Variants in SCIN observed in about 807,000 individuals in gnomAD.
The protein encoded by SCIN is adseverin.
Under a neutral mutation model 91.8 loss-of-function variants are expected in SCIN, and 91 were observed. The ratio of observed to expected loss-of-function variants is 0.99; its 90% CI spans 0.84 to 1.18. The LOEUF (loss-of-function observed/expected upper bound fraction) is 1.18. SCIN is among the 50% of genes most tolerant of loss of function. SCIN has a pLI of 0.00. For synonymous variants in SCIN, 367 were observed against 312.6 expected (o/e 1.17, Z -1.84); for missense variants, 1,087 against 863.9 (o/e 1.26, Z -3.24).
intron 12 of SCIN, 98 bp from the exon 13 acceptor site, chr7:12,644,486 A>C: frequency 1.3e-6 from 2 of 1,514,324 alleles, no homozygotes; most frequent in South Asian, 1.3e-5. Flanking sequence ...GTAATTTCTC[A>C]ACACTGAAAT....
chr7:12,572,526 A>G (rs999358929), intron 1 of SCIN, among the ~76,000 whole-genome samples: 3 of 152,220 alleles, frequency 2.0e-5, no homozygotes, highest in African/African-American at 7.2e-5. Flanking sequence ...ATGTGAAATA[A>G]TGCCATATCT....
intron 4 of SCIN, among the ~76,000 whole-genome samples, chr7:12,613,974 T>A (rs540101720): frequency 6.6e-6 from 1 of 152,338 alleles, no homozygotes; most frequent in African/African-American, 2.4e-5. Flanking sequence ...AGTGAAGTCA[T>A]GTACCATGTA....
At position 12,570,878 on chromosome 7, in the gene SCIN, C is replaced by T. The variant is rs1187777101; in HGVS notation, c.92C>T (p.Pro31Leu). ...VWRIEKLELV[P>L]VPQSAHGDFY... Reference sequence around the variant, plus strand: ...AGGATTGAGAAGCTGGAGCTGGTGCCCGTGCCCCAGAGCGCTCACGGCGAC... The same window carrying T: ...AGGATTGAGAAGCTGGAGCTGGTGCTCGTGCCCCAGAGCGCTCACGGCGAC... Residue 31 changes from proline (P) to leucine (L), a missense_variant, in exon 1 of 16, where the codon CCC becomes CTC. Physicochemically the swap from Pro to Leu is moderately conservative, Grantham distance 98. Transcript: ENST00000297029. 6.4e-7 allele frequency: 1 copy of T among 1,551,586 alleles called. No homozygotes were observed. The highest frequency in any genetic ancestry group is 8.7e-7 in the Non-Finnish European group (1 of 1,146,974).
intron 3 of SCIN, among the ~76,000 whole-genome samples, chr7:12,594,715 C>G (rs1782801892): frequency 6.6e-6 from 1 of 151,972 alleles, no homozygotes; most frequent in Non-Finnish European, 1.5e-5. Flanking sequence ...GAAGAAGGGA[C>G]CACAGACGAC....
rs558622580 is a variant in SCIN at position 12,637,624 on chromosome 7, CAAGT to C, written c.1410+1493_1410+1496del. Among the ~76,000 whole-genome samples the C allele has an allele frequency of 5.7e-3, 852 of 150,426 alleles. 7 individuals are homozygous for C. Among genetic ancestry groups the C allele is most frequent in the African/African-American group, 0.019 (783 of 40,846 alleles). On this transcript the variant is annotated intron_variant, in intron 10 of 15. Transcript: ENST00000297029. ...GGAAATCATGGAGGAAGAAATGAGA[CAAGT>C]AAGAAGGAGGAGAGAAGAGGAAGGG... is the stretch of plus-strand genomic sequence containing the variant.
chr7:12,589,139 G>C (rs948507520), intron 3 of SCIN: 2 of 152,138 alleles, frequency 1.3e-5, no homozygotes, highest in African/African-American at 4.8e-5. Flanking sequence ...GCCTAGGAAG[G>C]GCAGTAGCCA....
rs1218258358 is a variant in SCIN, at chr7:12,642,399, G to C, written c.1582-1739G>C. Among the ~76,000 whole-genome samples the C allele has an allele frequency of 2.6e-5, 4 of 151,988 alleles. No homozygotes were observed. The East Asian group carries it at 5.8e-4, about 22-fold the overall frequency. ...TTCACTTTGAACTACAAAGATGGCT[G>C]TAACAGAAACCTCCTGTCATTTCTT... is the stretch of plus-strand genomic sequence containing the variant. On this transcript the variant is annotated intron_variant, in intron 11 of 15. Transcript: ENST00000297029.
intron 3 of SCIN, 27 bp downstream of exon 3, chr7:12,581,248 T>G (rs1325314198): frequency 6.5e-7 from 1 of 1,543,908 alleles, no homozygotes; most frequent in Non-Finnish European, 8.8e-7. Flanking sequence ...CACATCGATG[T>G]CTAAAGAAAA....
intron 1 of SCIN, among the ~76,000 whole-genome samples, chr7:12,576,149 C>A (rs1430037318): frequency 6.6e-6 from 1 of 152,126 alleles, no homozygotes; most frequent in Non-Finnish European, 1.5e-5. Flanking sequence ...TCCAAGTTAT[C>A]TCTTAAAGCA....
chr7:12,596,759 C>T (rs4555989), intron 3 of SCIN, among the ~76,000 whole-genome samples: 128,002 of 151,822 alleles, frequency 0.84, 54,306 homozygotes, highest in East Asian at 1. Context: ...ACTGGTGCTA[C>T]GCAAAGATCC....
intron 2 of SCIN, among the ~76,000 whole-genome samples, chr7:12,578,909 G>A (rs1419879561): frequency 1.2e-5 from 1 of 85,898 alleles, no homozygotes; most frequent in Non-Finnish European, 2.3e-5. Context: ...TATAGGACAG[G>A]TTTTTTTTTT....
chr7:12,622,950 G>T, intron 5 of SCIN, 57 bp downstream of exon 5: 1 of 1,288,854 alleles, frequency 7.8e-7, no homozygotes, highest in Non-Finnish European at 1.1e-6. Flanking sequence ...AGCTAGGGAG[G>T]CCTGTATTGG....
chr7:12,626,190 T>G (rs1783518450), intron 7 of SCIN: 3 of 315,710 alleles, frequency 9.5e-6, no homozygotes, highest in Middle Eastern at 9.8e-4. Context: ...CAGATGATAT[T>G]TGTCTTCATC....
chr7:12,575,919 A>G (rs1782360833), intron 1 of SCIN, among the ~76,000 whole-genome samples: 1 of 152,168 alleles, frequency 6.6e-6, no homozygotes, highest in African/African-American at 2.4e-5. Flanking sequence ...AACCTCATTC[A>G]GGCATCCTGT....
chr7:12,625,254 C>T, intron 6 of SCIN, 112 bp downstream of exon 6: 2 of 997,068 alleles, frequency 2.0e-6, no homozygotes, highest in Admixed American at 3.2e-5. Context: ...TTAATTAAGA[C>T]ATGATCTATA....
rs1053524507 is a variant in SCIN at position 12,658,545 on chromosome 7, T to C, written c.*5830T>C. ...TAGAGTTTTGGCATGCATAATGGAG[T>C]TTATGGCAGAGTTCAGAGGATACAA... is the stretch of plus-strand genomic sequence containing the variant. On this transcript the variant is annotated 3_prime_UTR_variant, in exon 16 of 16. Coordinates refer to ENST00000297029, the MANE Select transcript of SCIN (RefSeq NM_001112706.3). The C allele has an allele frequency of 6.6e-6, 1 of 152,028 alleles. No individual in the cohort carries two copies. The highest frequency in any genetic ancestry group is 1.5e-5 in the Non-Finnish European group (1 of 68,004). The allele number at this position is 152,028 out of a possible 1,614,324, so 9.4% of individuals were successfully genotyped here.
At chr7:12,587,915 C>T (rs1361730333) in intron 3 of SCIN, among the ~76,000 whole-genome samples, 1 of 152,194 alleles carries the variant, frequency 6.6e-6, no homozygotes. Flanking sequence ...AAGACCCACA[C>T]CGTACTGCTT....
At position 12,657,689 on chromosome 7, in the gene SCIN, G is replaced by A. The variant is rs1273128362; in HGVS notation, c.*4974G>A. 6 of 146,738 alleles carry A rather than the reference G, an allele frequency of 4.1e-5. No individual in the cohort carries two copies. Among genetic ancestry groups the A allele is most frequent in the African/African-American group, 1.2e-4 (5 of 40,166 alleles). 9.1% of individuals were successfully genotyped at this position (146,738 alleles called of 1,614,324 possible). On this transcript the variant is annotated 3_prime_UTR_variant, in exon 16 of 16. Coordinates refer to ENST00000297029, the MANE Select transcript of SCIN (RefSeq NM_001112706.3). ...AATCAGAGGTATTATTTTCCCTTGG[G>A]CCTTTGCAGCCTGTGTTGTTTTTCT... is the stretch of plus-strand genomic sequence containing the variant.
At chr7:12,638,065 G>C (rs969412480) in intron 10 of SCIN, among the ~76,000 whole-genome samples, 5 of 152,108 alleles carry the variant, frequency 3.3e-5, no homozygotes, top group Admixed American at 3.3e-4. Context: ...ATTTATGGTG[G>C]AGTATCTGCT....
Sources: allele counts gnomAD v4.1 joint callset (sites outside exome capture counted in the v4.1 genomes callset), GRCh38; gene constraint gnomAD v4.1.1; transcripts MANE v1.5; gene names NCBI Gene and HGNC (gene_info 2026-07-23, HGNC 2026-07-21).